MARCHF6: variants seen among roughly 807,000 people sequenced by gnomAD.
MARCHF6 encodes membrane associated ring-CH-type finger 6.
Under a neutral mutation model 133.7 loss-of-function variants are expected in MARCHF6, and 31 were observed. The ratio of observed to expected loss-of-function variants is 0.23; its 90% CI spans 0.17 to 0.31. MARCHF6 has a LOEUF of 0.31. MARCHF6 is among the 10% of genes least tolerant of loss of function. The pLI is 1.00. For missense variants in MARCHF6, 723 were observed against 1,121.6 expected, an observed-to-expected ratio of 0.64 and a Z score of 5.08; for synonymous variants, 395 against 402.5, an observed-to-expected ratio of 0.98 and a Z score of 0.22.
At chr5:10,382,018 C>T in intron 4 of MARCHF6, 75 bp downstream of exon 4, 1 of 1,345,862 alleles carries the variant, frequency 7.4e-7, no homozygotes, top group Non-Finnish European at 1.0e-6. Flanking sequence ...AATATTGCAT[C>T]ATATTATTAT....
intron 22 of MARCHF6, among the ~76,000 whole-genome samples, chr5:10,419,734 A>T (rs946306399): frequency 6.6e-6 from 1 of 152,106 alleles, no homozygotes; most frequent in African/African-American, 2.4e-5. Context: ...TTGTTAATGG[A>T]TGTTGAACCC....
chr5:10,433,137 G>C (rs1045009711), intron 25 of MARCHF6, among the ~76,000 whole-genome samples: 1 of 152,106 alleles, frequency 6.6e-6, no homozygotes, highest in African/African-American at 2.4e-5. Flanking sequence ...TGATCCACTC[G>C]CCTCGGCCTC....
In MARCHF6 at chr5:10,377,789, C is replaced by A. The variant is rs780594348; in HGVS notation, c.20-9C>A. Reference sequence around the variant, plus strand: ...CAAAGGAAATTCAATTTTCCTTTTTCATTGGCAGACATATGTAGAGTGTGT... The same window carrying A: ...CAAAGGAAATTCAATTTTCCTTTTTAATTGGCAGACATATGTAGAGTGTGT... On this transcript the variant is annotated splice_polypyrimidine_tract_variant and intron_variant, in intron 1 of 25. Transcript: ENST00000274140. 14 of 1,595,242 alleles carry A rather than the reference C, an allele frequency of 8.8e-6. No homozygotes were observed. In the South Asian group the frequency reaches 1.1e-4, roughly 13 times the overall value.
chr5:10,367,950 G>A (rs150013992), intron 1 of MARCHF6, among the ~76,000 whole-genome samples: 7 of 152,262 alleles, frequency 4.6e-5, no homozygotes, highest in South Asian at 2.1e-4. Flanking sequence ...GTAGGTTTGC[G>A]TTCATAACAA....
chr5:10,425,478 G>T (rs1740034152), intron 23 of MARCHF6, among the ~76,000 whole-genome samples: 1 of 152,214 alleles, frequency 6.6e-6, no homozygotes, highest in South Asian at 2.1e-4. Context: ...GTGCGTGTGT[G>T]TCTCTGTAAA....
chr5:10,357,966 C>CTTTTTTT (rs34017407), intron 1 of MARCHF6, among the ~76,000 whole-genome samples: 1 of 108,520 alleles, frequency 9.2e-6, no homozygotes, highest in Non-Finnish European at 2.0e-5. Flanking sequence ...GCATGGGTTG[C>CTTTTTTT]TTTTTTTTTT....
At chr5:10,409,920 C>T (rs1739121225) in intron 17 of MARCHF6, among the ~76,000 whole-genome samples, 1 of 151,952 alleles carries the variant, frequency 6.6e-6, no homozygotes, top group South Asian at 2.1e-4. Context: ...AGAACCAAGA[C>T]CTACCCATCA....
chr5:10,390,305 AATT>A, intron 5 of MARCHF6, 24 bp from the exon 6 acceptor site: 1 of 1,593,026 alleles, frequency 6.3e-7, no homozygotes, highest in Non-Finnish European at 8.6e-7. Context: ...TCTTTGGAGT[AATT>A]ATATGTACTT....
chr5:10,410,184 G>A lies in MARCHF6; in HGVS notation c.1599G>A (p.Gln533=). The change falls in exon 18 of 26, where the codon CAG becomes CAA. Residue 533 remains glutamine (Q), a synonymous_variant. Coordinates refer to ENST00000274140, the MANE Select transcript of MARCHF6 (RefSeq NM_005885.4). The part of the protein sequence containing the change: ...SELSLELLLL[Q]VVLPALLEQG... ...TGTCCCTCGAGCTGCTTCTGCTTCA[G>A]GTTGTCTTGCCAGCATTACTCGAAC... 2 of 1,614,054 alleles carry A rather than the reference G, an allele frequency of 1.2e-6. No individual in the cohort carries two copies. The highest frequency in any genetic ancestry group is 8.5e-7 in the Non-Finnish European group (1 of 1,180,028).
At chr5:10,391,864 T>C (rs1737870313) in intron 7 of MARCHF6, 133 bp downstream of exon 7, 6 of 893,146 alleles carry the variant, frequency 6.7e-6, no homozygotes, top group Non-Finnish European at 9.1e-6. Flanking sequence ...TACTTTATTT[T>C]GGCAAACTGG....
chr5:10,410,327 G>C, intron 18 of MARCHF6, 51 bp downstream of exon 18: 5 of 1,572,526 alleles, frequency 3.2e-6, no homozygotes, highest in Non-Finnish European at 4.3e-6. Context: ...TGTGACTATG[G>C]AATAACCTTT....
chr5:10,382,078 C>A, intron 4 of MARCHF6, 135 bp downstream of exon 4: 3 of 958,272 alleles, frequency 3.1e-6, no homozygotes, highest in Non-Finnish European at 3.1e-6. Context: ...ATTAGGAAAG[C>A]CTTACTTAGA....
chr5:10,354,336 C>T (rs920963368), intron 1 of MARCHF6, among the ~76,000 whole-genome samples: 3 of 152,212 alleles, frequency 2.0e-5, no homozygotes, highest in Non-Finnish European at 2.9e-5. Context: ...GCCCTACCCC[C>T]TCGCGACAGA....
At position 10,353,757 on chromosome 5, in the gene MARCHF6, C is replaced by CCCTCTCCTT. The variant is rs1202649578; in HGVS notation, c.-135_-127dup. On this transcript the variant is annotated 5_prime_UTR_variant, in exon 1 of 26. Coordinates refer to ENST00000274140, the MANE Select transcript of MARCHF6 (RefSeq NM_005885.4). The stretch of plus-strand genomic sequence containing the variant: ...GTCAGCCTCTCTCCCTCTCCCTCTC[C>CCCTCTCCTT]CCTCTCCTTCCTCTCGCTTCCTCTC... 11 of 669,760 alleles carry CCCTCTCCTT rather than the reference C, an allele frequency of 1.6e-5. No individual in the cohort carries two copies. The South Asian group carries it at 1.6e-4, about 10-fold the overall frequency. The allele number at this position is 669,760 out of a possible 1,614,324, so 41.5% of individuals were successfully genotyped here. A position where few individuals can be genotyped will look rare whatever the true frequency, so the allele number is the denominator to read the frequency against.
intron 1 of MARCHF6, chr5:10,354,122 G>GGGGCGGGGACCCTGCC (rs1268390238): frequency 8.0e-6 from 3 of 376,810 alleles, no homozygotes; most frequent in African/African-American, 6.4e-5. Flanking sequence ...GCCGCCGAGG[G>GGGGCGGGGACCCTGCC]GGGCGGGGAC....
intron 17 of MARCHF6, among the ~76,000 whole-genome samples, 165 bp downstream of exon 17, chr5:10,407,367 T>C (rs552334174): frequency 5.9e-5 from 9 of 152,184 alleles, no homozygotes; most frequent in Non-Finnish European, 1.0e-4. Context: ...TTAAATTAAA[T>C]TTAATGTTTA....
chr5:10,433,924 C>T lies in MARCHF6; in HGVS notation c.*240C>T, dbSNP rs1302770277. ...TACAAGTTCCTTGATACCCTAAAAC[C>T]TTGGATTAAACAGAATGTGCATTGT... On this transcript the variant is annotated 3_prime_UTR_variant, in exon 26 of 26. Transcript: ENST00000274140. 2.3e-5 allele frequency: 11 copies of T among 486,482 alleles called. No homozygotes were observed. Among genetic ancestry groups the T allele is most frequent in the African/African-American group, 3.9e-5 (2 of 51,296 alleles). The allele number at this position is 486,482 out of a possible 1,614,324, so 30.1% of individuals were successfully genotyped here. A position where few individuals can be genotyped will look rare whatever the true frequency, so the allele number is the denominator to read the frequency against.
At chr5:10,419,203 T>C (rs1739697142) in intron 22 of MARCHF6, among the ~76,000 whole-genome samples, 1 of 152,232 alleles carries the variant, frequency 6.6e-6, no homozygotes, top group African/African-American at 2.4e-5. Context: ...GCAGAAACTG[T>C]ACTTTGAGTA....
intron 14 of MARCHF6, among the ~76,000 whole-genome samples, chr5:10,402,893 C>G (rs1395927240): frequency 6.6e-6 from 1 of 152,028 alleles, no homozygotes; most frequent in Non-Finnish European, 1.5e-5. Context: ...AATGCCAAGA[C>G]ATTATATACA....
Sources: allele counts gnomAD v4.1 joint callset (sites outside exome capture counted in the v4.1 genomes callset), GRCh38; gene constraint gnomAD v4.1.1; transcripts MANE v1.5; gene names NCBI Gene and HGNC (gene_info 2026-07-23, HGNC 2026-07-21).